Variants in GALNTL6 observed in about 807,000 individuals in gnomAD.
GALNTL6 encodes the protein polypeptide N-acetylgalactosaminyltransferase like 6.
A neutral mutation model predicts 73.7 loss-of-function variants in GALNTL6; 46 were observed. The observed-to-expected ratio is 0.62, with a 90% CI of 0.49 to 0.80. The LOEUF (loss-of-function observed/expected upper bound fraction) is 0.80, where lower values mean the gene tolerates loss of function less well. Among genes scored for constraint, GALNTL6 ranks in the 30% least tolerant of loss-of-function variants. GALNTL6 has a pLI of 0.00. For synonymous variants in GALNTL6, 259 were observed against 263.7 expected (o/e 0.98, Z 0.17); for missense variants, 604 against 755.0 (o/e 0.80, Z 2.34).
rs115181494 is a variant in GALNTL6, at chr4:171,917,060, G to T, written c.138+102342G>T. ...CGTGTATCTCTTCAGGGCCATCAGG[G>T]TTTGTACATTTTTATGATTCACATT... On this transcript the variant is annotated intron_variant, in intron 2 of 12. Transcript: ENST00000506823. 7.8e-3 allele frequency among the ~76,000 whole-genome samples: 1,180 copies of T among 152,136 alleles called. 18 individuals are homozygous for T. Among genetic ancestry groups the T allele is most frequent in the African/African-American group, 0.027 (1,110 of 41,532 alleles).
intron 2 of GALNTL6, among the ~76,000 whole-genome samples, chr4:172,039,536 G>C (rs1490936615): frequency 6.6e-6 from 1 of 152,096 alleles, no homozygotes; most frequent in African/African-American, 2.4e-5. Context: ...TTCTCTAGTA[G>C]GGGACAGTCA....
At chr4:172,455,430 A>G (rs1380316017) in intron 5 of GALNTL6, among the ~76,000 whole-genome samples, 3 of 152,090 alleles carry the variant, frequency 2.0e-5, no homozygotes, top group African/African-American at 4.8e-5. Flanking sequence ...TCCCACCCCT[A>G]TGGAGCCCAG....
chr4:172,934,778 G>A (rs998759299), intron 9 of GALNTL6, among the ~76,000 whole-genome samples: 7 of 152,220 alleles, frequency 4.6e-5, no homozygotes, highest in Non-Finnish European at 1.0e-4. Flanking sequence ...CTTCACAGAA[G>A]CGTGAGCAGC....
intron 8 of GALNTL6, among the ~76,000 whole-genome samples, chr4:172,901,420 T>C (rs2653824): frequency 0.27 from 41,013 of 152,034 alleles, 7,779 homozygotes; most frequent in African/African-American, 0.54. Flanking sequence ...TTTCATCAAT[T>C]GTGATTAATT....
intron 2 of GALNTL6, among the ~76,000 whole-genome samples, chr4:171,870,005 A>C (rs1736091314): frequency 6.6e-6 from 1 of 152,158 alleles, no homozygotes; most frequent in Non-Finnish European, 1.5e-5. Context: ...AACACCTTGC[A>C]CTATCTGGTG....
chr4:172,901,838 T>C (rs1246516201), intron 8 of GALNTL6, among the ~76,000 whole-genome samples: 1 of 152,172 alleles, frequency 6.6e-6, no homozygotes, highest in Non-Finnish European at 1.5e-5. Flanking sequence ...ACGTCTACCC[T>C]GTAGAATTTT....
chr4:172,895,929 T>G (rs1258560057), intron 8 of GALNTL6, among the ~76,000 whole-genome samples: 1 of 152,238 alleles, frequency 6.6e-6, no homozygotes, highest in Non-Finnish European at 1.5e-5. Flanking sequence ...TTTCATTTCA[T>G]GCATTGTATT....
At position 172,964,989 on chromosome 4, in the gene GALNTL6, G is replaced by A. The variant is rs142813336; in HGVS notation, c.1371+12731G>A. ...GTCCTGCTATTTCCCTGGCAACTAC[G>A]CGGCAAACTGCCTCTGCCCTTTAAG... On this transcript the variant is annotated intron_variant, in intron 10 of 12. Coordinates refer to ENST00000506823, the MANE Select transcript of GALNTL6 (RefSeq NM_001034845.3). 9.2e-5 allele frequency among the ~76,000 whole-genome samples: 14 copies of A among 152,316 alleles called. No homozygotes were observed. In the East Asian group the frequency reaches 1.4e-3, roughly 15 times the overall value.
intron 5 of GALNTL6, among the ~76,000 whole-genome samples, chr4:172,490,027 G>A (rs1733840419): frequency 6.6e-6 from 1 of 152,154 alleles, no homozygotes; most frequent in Admixed American, 6.6e-5. Context: ...TTCTTGGGAT[G>A]TTTAAGGACT....
At chr4:172,487,291 T>TTTCCTTCTTTCCTTCTTTCC (rs879430886) in intron 5 of GALNTL6, among the ~76,000 whole-genome samples, 1 of 78,138 alleles carries the variant, frequency 1.3e-5, no homozygotes, top group Non-Finnish European at 2.7e-5. Flanking sequence ...TCTTTCCTTC[T>TTTCCTTCTTTCCTTCTTTCC]TTCCTTCTGT....
intron 5 of GALNTL6, among the ~76,000 whole-genome samples, chr4:172,522,762 T>A (rs1430683917): frequency 1.3e-5 from 2 of 150,374 alleles, no homozygotes; most frequent in South Asian, 4.3e-4. Flanking sequence ...CCACGCCATT[T>A]GTCATTTAAA....
At chr4:173,021,993 A>G (rs1234442951) in intron 12 of GALNTL6, among the ~76,000 whole-genome samples, 1 of 150,058 alleles carries the variant, frequency 6.7e-6, no homozygotes, top group Non-Finnish European at 1.5e-5. Context: ...GACTCTGTTA[A>G]GAAAAGAAAG....
intron 2 of GALNTL6, among the ~76,000 whole-genome samples, chr4:171,816,838 CA>C: frequency 6.6e-6 from 1 of 151,736 alleles, no homozygotes; most frequent in East Asian, 1.9e-4. Flanking sequence ...CCTCAATAAG[CA>C]AGTTTTGGGT....
intron 5 of GALNTL6, among the ~76,000 whole-genome samples, chr4:172,707,247 A>C (rs2111311790): frequency 6.6e-6 from 1 of 152,280 alleles, no homozygotes; most frequent in African/African-American, 2.4e-5. Context: ...TTAGATAGTA[A>C]GAATTGTTCA....
intron 2 of GALNTL6, among the ~76,000 whole-genome samples, chr4:171,945,508 A>C (rs1738676959): frequency 6.6e-6 from 1 of 152,130 alleles, no homozygotes; most frequent in African/African-American, 2.4e-5. Flanking sequence ...GTTGAAAATC[A>C]ATGTCTATTG....
chr4:172,321,820 G>C (rs138354714), intron 4 of GALNTL6, among the ~76,000 whole-genome samples: 3 of 152,168 alleles, frequency 2.0e-5, no homozygotes. Context: ...ACCATCATGT[G>C]ATGGTCAGGC....
At chr4:172,232,403 T>A (rs1428180665) in intron 3 of GALNTL6, among the ~76,000 whole-genome samples, 2 of 152,176 alleles carry the variant, frequency 1.3e-5, no homozygotes, top group African/African-American at 2.4e-5. Flanking sequence ...TGTGAAATGT[T>A]AGTTGGTTCA....
chr4:172,003,194 AT>A (rs1380874749), intron 2 of GALNTL6, among the ~76,000 whole-genome samples: 1 of 151,966 alleles, frequency 6.6e-6, no homozygotes, highest in African/African-American at 2.4e-5. Context: ...ACAATTTTGC[AT>A]TTTTTATAAC....
intron 5 of GALNTL6, among the ~76,000 whole-genome samples, chr4:172,739,108 A>G (rs1736645896): frequency 6.6e-6 from 1 of 152,214 alleles, no homozygotes; most frequent in African/African-American, 2.4e-5. Context: ...CATGGCTTGA[A>G]ACAGTGTTTC....
Sources: allele counts gnomAD v4.1 joint callset (sites outside exome capture counted in the v4.1 genomes callset), GRCh38; gene constraint gnomAD v4.1.1; transcripts MANE v1.5; gene names NCBI Gene and HGNC (gene_info 2026-07-23, HGNC 2026-07-21).